The following PTPRJ variants were observed in gnomAD, a reference collection of about 807,000 sequenced individuals.
PTPRJ encodes protein tyrosine phosphatase receptor type J, also known as receptor-type tyrosine-protein phosphatase eta.
Under a neutral mutation model 141.3 loss-of-function variants are expected in PTPRJ, and 129 were observed. That is an observed-to-expected ratio of 0.91 (90% confidence interval 0.79 to 1.06). The LOEUF is 1.06. Among genes scored for constraint, PTPRJ ranks in the 50% least tolerant of loss-of-function variants. The pLI, the probability that PTPRJ is intolerant of heterozygous loss-of-function variation, is 0.00. For missense variants in PTPRJ, 1,601 were observed against 1,679.7 expected (o/e 0.95, Z 0.82); for synonymous variants, 610 against 640.5 (o/e 0.95, Z 0.72).
rs568759360 is a variant in PTPRJ, at chr11:48,122,464, G to A, written c.617-1149G>A. ...CATCAGCTGCTGCGTATTGAGCACG[G>A]CACATGTGCCTCTCTGTCCTTAATG... On this transcript the variant is annotated intron_variant, in intron 4 of 24. Transcript: ENST00000418331. Among the ~76,000 whole-genome samples, 16 of 152,320 alleles carry A rather than the reference G, an allele frequency of 1.1e-4. No individual in the cohort carries two copies. The South Asian group carries it at 3.1e-3, about 30-fold the overall frequency.
intron 1 of PTPRJ, among the ~76,000 whole-genome samples, chr11:48,042,099 C>G (rs934257341): frequency 1.3e-5 from 2 of 152,120 alleles, no homozygotes; most frequent in African/African-American, 4.8e-5. Flanking sequence ...AAGATACAAT[C>G]TCTTTGAATA....
intron 1 of PTPRJ, among the ~76,000 whole-genome samples, chr11:47,996,129 C>T (rs1013770282): frequency 4.0e-5 from 6 of 151,448 alleles, no homozygotes; most frequent in Non-Finnish European, 5.9e-5. Context: ...GTCAGGAGAT[C>T]GAGACCATCC....
At chr11:47,991,653 G>A (rs1206967593) in intron 1 of PTPRJ, among the ~76,000 whole-genome samples, 1 of 152,156 alleles carries the variant, frequency 6.6e-6, no homozygotes, top group Non-Finnish European at 1.5e-5. Flanking sequence ...AGGACATGGA[G>A]AACTATGGGG....
At chr11:48,101,428 C>T (rs181112225) in intron 1 of PTPRJ, among the ~76,000 whole-genome samples, 36 of 152,286 alleles carry the variant, frequency 2.4e-4, no homozygotes, top group Admixed American at 2.0e-4. Flanking sequence ...CAGATAGTTC[C>T]GTGAGAAGCA....
intron 15 of PTPRJ, among the ~76,000 whole-genome samples, chr11:48,148,906 A>G (rs1857413525): frequency 6.6e-6 from 1 of 152,180 alleles, no homozygotes. Flanking sequence ...CTAAATTCCA[A>G]GCTAGGCAAG....
chr11:48,043,242 G>A (rs533329540), intron 1 of PTPRJ, among the ~76,000 whole-genome samples: 7 of 152,140 alleles, frequency 4.6e-5, no homozygotes, highest in Non-Finnish European at 1.0e-4. Context: ...AGAGAGGCAG[G>A]ATCTTGCTGT....
chr11:47,997,622 G>T (rs1045830692), intron 1 of PTPRJ, among the ~76,000 whole-genome samples: 49 of 152,116 alleles, frequency 3.2e-4, no homozygotes, highest in Admixed American at 1.3e-4. Context: ...CTGTCTGGGT[G>T]GGAAAGGAAC....
chr11:48,122,641 G>A (rs966321360), intron 4 of PTPRJ, among the ~76,000 whole-genome samples: 2 of 152,222 alleles, frequency 1.3e-5, no homozygotes, highest in East Asian at 3.8e-4. Flanking sequence ...GTGCAGTGAT[G>A]TTCATAACAG....
chr11:48,166,894 T>C (rs1013135657), intron 24 of PTPRJ, among the ~76,000 whole-genome samples: 1 of 152,208 alleles, frequency 6.6e-6, no homozygotes, highest in African/African-American at 2.4e-5. Flanking sequence ...AATGTGTGTG[T>C]GCATTTTTTC....
At chr11:47,990,425 T>C (rs1440922893) in intron 1 of PTPRJ, among the ~76,000 whole-genome samples, 1 of 152,144 alleles carries the variant, frequency 6.6e-6, no homozygotes, top group Admixed American at 6.6e-5. Context: ...ATGAAACCTC[T>C]TTTTTTCTTT....
Position 48,039,974 on chromosome 11 carries a change from A to G in PTPRJ, c.96+58966A>G, listed in dbSNP as rs532662225. Among the ~76,000 whole-genome samples the G allele has an allele frequency of 5.3e-5, 8 of 152,152 alleles. No individual in the cohort carries two copies. The South Asian group carries it at 1.5e-3, about 28-fold the overall frequency. The stretch of plus-strand genomic sequence containing the variant: ...CAGCTAATTTTTGCATTTTTATTAG[A>G]GACGTGGTTTCACCATGTTGGGCAG... On this transcript the variant is annotated intron_variant, in intron 1 of 24. Coordinates refer to ENST00000418331, the MANE Select transcript of PTPRJ (RefSeq NM_002843.4).
At chr11:48,144,492 A>T (rs1024789079) in intron 12 of PTPRJ, among the ~76,000 whole-genome samples, 183 bp from the exon 13 acceptor site, 1 of 152,172 alleles carries the variant, frequency 6.6e-6, no homozygotes, top group African/African-American at 2.4e-5. Context: ...ATTCATGGGG[A>T]TGAAGTGAGT....
In PTPRJ at chr11:48,069,103, C is replaced by CT. The variant is rs150807752; in HGVS notation, c.97-40941dup. Among the ~76,000 whole-genome samples the CT allele has an allele frequency of 1.7e-3, 248 of 142,792 alleles. 1 individual carries two copies. Among genetic ancestry groups the CT allele is most frequent in the East Asian group, 4.2e-3 (21 of 4,958 alleles). The allele number at this position is 142,792 out of a possible 152,430, so 93.7% of individuals were successfully genotyped here. ...AGATGTGTACCCATTTTCAAATGTT[C>CT]TTTTTTTTTTTTTTCAGATGGAGTC... On this transcript the variant is annotated intron_variant, in intron 1 of 24. Coordinates refer to ENST00000418331, the MANE Select transcript of PTPRJ (RefSeq NM_002843.4).
intron 21 of PTPRJ, 60 bp from the exon 22 acceptor site, chr11:48,159,870 T>G: frequency 6.3e-7 from 1 of 1,597,734 alleles, no homozygotes; most frequent in Non-Finnish European, 8.6e-7. Flanking sequence ...CCTTGTGAGG[T>G]TTTAGTGATG....
chr11:48,011,405 G>A (rs1270015304), intron 1 of PTPRJ, among the ~76,000 whole-genome samples: 1 of 152,170 alleles, frequency 6.6e-6, no homozygotes, highest in Non-Finnish European at 1.5e-5. Flanking sequence ...CTTGAGTGGA[G>A]TCACTTAAGA....
At chr11:48,162,365 A>C (rs1228128686) in intron 22 of PTPRJ, among the ~76,000 whole-genome samples, 158 of 94,700 alleles carry the variant, frequency 1.7e-3, no homozygotes, top group Middle Eastern at 5.4e-3. Flanking sequence ...GCCCGCTCCC[A>C]CTCCCTTTCC....
intron 1 of PTPRJ, among the ~76,000 whole-genome samples, chr11:48,012,012 T>C (rs1389001887): frequency 2.0e-5 from 3 of 152,114 alleles, no homozygotes; most frequent in Non-Finnish European, 4.4e-5. Flanking sequence ...AAGGAAGATT[T>C]AGATCTGCTC....
intron 15 of PTPRJ, among the ~76,000 whole-genome samples, chr11:48,147,497 G>C (rs1294651616): frequency 6.6e-6 from 1 of 152,200 alleles, no homozygotes; most frequent in Non-Finnish European, 1.5e-5. Context: ...TAGCAGCCCT[G>C]TTTTGAGTGC....
chr11:48,049,515 TAAAACAAAACAAAACAAAAC>T (rs71457242), intron 1 of PTPRJ, among the ~76,000 whole-genome samples: 1,987 of 140,906 alleles, frequency 0.014, 51 homozygotes, highest in African/African-American at 0.051. Context: ...CCGTCTCTAC[TAAAACAAAACAAAACAAAAC>T]AAAACAAAAC....
Sources: allele counts gnomAD v4.1 joint callset (sites outside exome capture counted in the v4.1 genomes callset), GRCh38; gene constraint gnomAD v4.1.1; transcripts MANE v1.5; gene names NCBI Gene and HGNC (gene_info 2026-07-23, HGNC 2026-07-21).